Variants in GYS2 observed in about 807,000 individuals in gnomAD.
The protein encoded by GYS2 is glycogen synthase 2.
GYS2 carries 80 observed loss-of-function variants against 85.6 expected under a neutral mutation model. That is an observed-to-expected ratio of 0.93 (90% CI 0.78 to 1.13). GYS2 has a LOEUF of 1.13. Among genes scored for constraint, GYS2 ranks in the 50% most tolerant of loss-of-function variants. The pLI is 0.00. For missense variants in GYS2, 881 were observed against 854.9 expected (o/e 1.03, Z -0.38); for synonymous variants, 328 against 300.7 (o/e 1.09, Z -0.94).
At chr12:21,541,826 G>A (rs768107540) in intron 13 of GYS2, among the ~76,000 whole-genome samples, 10 of 152,098 alleles carry the variant, frequency 6.6e-5, no homozygotes, top group Non-Finnish European at 1.0e-4. Context: ...ATAGTGCCTG[G>A]TAGGTAGTCT....
chr12:21,542,777 C>A (rs1225257793), intron 12 of GYS2, among the ~76,000 whole-genome samples, 186 bp from the exon 13 acceptor site: 1 of 152,156 alleles, frequency 6.6e-6, no homozygotes. Flanking sequence ...TGAAGTGGGG[C>A]CATCATTATC....
At chr12:21,593,420 TA>T (rs2136929569) in intron 1 of GYS2, among the ~76,000 whole-genome samples, 1 of 150,752 alleles carries the variant, frequency 6.6e-6, no homozygotes, top group East Asian at 1.9e-4. Flanking sequence ...AAATCAGAAA[TA>T]AAAAAGAAAA....
At chr12:21,586,543 A>T (rs7962379) in intron 1 of GYS2, among the ~76,000 whole-genome samples, 26,154 of 151,968 alleles carry the variant, frequency 0.17, 2,420 homozygotes, top group Middle Eastern at 0.21. Context: ...CCAAAAGAAG[A>T]CATACAAGTG....
At chr12:21,570,977 A>G (rs1482755150) in intron 4 of GYS2, among the ~76,000 whole-genome samples, 1 of 152,254 alleles carries the variant, frequency 6.6e-6, no homozygotes, top group Non-Finnish European at 1.5e-5. Flanking sequence ...GTATATGGAA[A>G]GTGCTCAATA....
chr12:21,558,746 T>G (rs1389467126), intron 10 of GYS2, among the ~76,000 whole-genome samples: 1 of 152,240 alleles, frequency 6.6e-6, no homozygotes, highest in Admixed American at 6.5e-5. Context: ...TCCACTCGAC[T>G]AAGAAATATT....
chr12:21,560,171 A>G (rs1375343607), intron 8 of GYS2, among the ~76,000 whole-genome samples: 1 of 152,188 alleles, frequency 6.6e-6, no homozygotes, highest in African/African-American at 2.4e-5. Context: ...TGTTCCTTCA[A>G]TGGTAGCTCA....
intron 15 of GYS2, chr12:21,537,448 T>C: frequency 4.6e-6 from 2 of 431,214 alleles, no homozygotes; most frequent in East Asian, 9.7e-5. Flanking sequence ...GATAAATATG[T>C]TTTTTTCAGT....
At chr12:21,572,465 G>A (rs905487277) in intron 4 of GYS2, among the ~76,000 whole-genome samples, 1 of 152,134 alleles carries the variant, frequency 6.6e-6, no homozygotes, top group South Asian at 2.1e-4. Flanking sequence ...GTATTCTTAT[G>A]TGTCACCCAA....
At chr12:21,563,922 G>A (rs10841850) in intron 5 of GYS2, among the ~76,000 whole-genome samples, 110,214 of 152,050 alleles carry the variant, frequency 0.72, 40,223 homozygotes, top group South Asian at 0.79. Context: ...TGTGCATTTG[G>A]AAAATTGGAA....
intron 1 of GYS2, among the ~76,000 whole-genome samples, chr12:21,599,871 A>G (rs979020041): frequency 6.6e-6 from 1 of 152,154 alleles, no homozygotes; most frequent in Non-Finnish European, 1.5e-5. Context: ...GCTAATACCT[A>G]CAGAGTGTTT....
chr12:21,536,835 G>T lies in GYS2; in HGVS notation c.*119C>A. 1.4e-6 allele frequency: 1 copy of T among 721,194 alleles called. No homozygotes were observed. Among genetic ancestry groups the T allele is most frequent in the Non-Finnish European group, 2.4e-6 (1 of 414,244 alleles). The allele number at this position is 721,194 out of a possible 1,614,324, so 44.7% of individuals were successfully genotyped here. A position where few individuals can be genotyped will look rare whatever the true frequency, so the allele number is the denominator to read the frequency against. On this transcript the variant is annotated 3_prime_UTR_variant, in exon 16 of 16. Transcript: ENST00000261195. ...CTCAATTTCTTCCACTTTTTAGGCA[G>T]AGAATAAACTCCATTGTAATACTTA...
chr12:21,571,980 C>G (rs901167183), intron 4 of GYS2, among the ~76,000 whole-genome samples: 3 of 38,176 alleles, frequency 7.9e-5, no homozygotes, highest in African/African-American at 3.7e-4. Context: ...AACAAACAAA[C>G]AACATAAAAT....
chr12:21,587,496 G>A (rs1192757798), intron 1 of GYS2, among the ~76,000 whole-genome samples: 4 of 152,016 alleles, frequency 2.6e-5, no homozygotes, highest in East Asian at 1.9e-4. Flanking sequence ...TTTTATAAGC[G>A]GCTTTTCCCC....
intron 1 of GYS2, among the ~76,000 whole-genome samples, chr12:21,599,555 T>C (rs1184683943): frequency 1.3e-5 from 2 of 152,186 alleles, no homozygotes; most frequent in Non-Finnish European, 2.9e-5. Context: ...AGTAGACTAG[T>C]GCTTTCCTTG....
chr12:21,568,343 G>A (rs1199274963), intron 5 of GYS2, among the ~76,000 whole-genome samples: 1 of 152,134 alleles, frequency 6.6e-6, no homozygotes, highest in African/African-American at 2.4e-5. Flanking sequence ...GCCGTGGCCG[G>A]GTGACAGGGC....
At chr12:21,533,482 A>G (rs1591771318), downstream of GYS2, among the ~76,000 whole-genome samples, 1 of 152,234 alleles carries the variant, frequency 6.6e-6, no homozygotes, top group South Asian at 2.1e-4. Flanking sequence ...ATACTGGGCT[A>G]TAAATTCCTT....
intron 1 of GYS2, 112 bp downstream of exon 1, chr12:21,604,360 C>A: frequency 1.3e-6 from 1 of 776,188 alleles, no homozygotes; most frequent in South Asian, 1.4e-5. Flanking sequence ...TAAATGCTTT[C>A]CTCACTCACT....
downstream of GYS2, chr12:21,535,231 T>G (rs191734871): frequency 2.0e-5 from 3 of 149,548 alleles, no homozygotes; most frequent in Non-Finnish European, 4.4e-5. Context: ...TGTGTAGGCA[T>G]GTTTTCAATA....
chr12:21,533,162 T>A (rs1943881069), downstream of GYS2, among the ~76,000 whole-genome samples: 1 of 152,186 alleles, frequency 6.6e-6, no homozygotes, highest in Non-Finnish European at 1.5e-5. Context: ...TCTGCACAGT[T>A]CTCATTGCCC....
Sources: gnomAD v4.1 joint callset for allele counts (sites outside exome capture counted in the v4.1 genomes callset) on GRCh38, gnomAD v4.1.1 for gene constraint, MANE v1.5 for transcripts, NCBI Gene and HGNC (gene_info 2026-07-23, HGNC 2026-07-21) for gene names.